CERS3: variants seen among roughly 807,000 people sequenced by gnomAD.
CERS3 encodes the protein LAG1 homolog, ceramide synthase 3.
Under a neutral mutation model 50.3 loss-of-function variants are expected in CERS3, and 33 were observed. That is an observed-to-expected ratio of 0.66 (90% CI 0.50 to 0.88). The LOEUF (loss-of-function observed/expected upper bound fraction) is 0.88, where lower values mean the gene tolerates loss of function less well. Among genes scored for constraint, CERS3 ranks in the 40% least tolerant of loss-of-function variants. CERS3 has a pLI of 0.00. For synonymous variants in CERS3, 176 were observed against 155.2 expected, an observed-to-expected ratio of 1.13 and a Z score of -0.99; for missense variants, 470 against 460.3, an observed-to-expected ratio of 1.02 and a Z score of -0.19.
At chr15:100,409,190 C>T (rs558141938) in intron 11 of CERS3, among the ~76,000 whole-genome samples, 1 of 152,322 alleles carries the variant, frequency 6.6e-6, no homozygotes, top group East Asian at 1.9e-4. Context: ...CTATTCTGAC[C>T]TTGCCTCAGG....
At chr15:100,440,299 G>C (rs1450108190) in intron 11 of CERS3, among the ~76,000 whole-genome samples, 3 of 152,152 alleles carry the variant, frequency 2.0e-5, no homozygotes, top group East Asian at 1.9e-4. Flanking sequence ...TATCCCCTGT[G>C]ACCTGCACAT....
chr15:100,496,318 T>C (rs1210319239), intron 3 of CERS3, among the ~76,000 whole-genome samples: 1 of 152,186 alleles, frequency 6.6e-6, no homozygotes, highest in African/African-American at 2.4e-5. Context: ...AAACAAGTTA[T>C]AGTATATATG....
intron 11 of CERS3, among the ~76,000 whole-genome samples, chr15:100,443,188 A>G (rs980018665): frequency 4.2e-3 from 631 of 149,282 alleles, no homozygotes; most frequent in African/African-American, 0.015. Context: ...ACCCACAAGT[A>G]TAAGATACCT....
chr15:100,463,104 G>A (rs1183037704), intron 10 of CERS3, among the ~76,000 whole-genome samples: 1 of 152,112 alleles, frequency 6.6e-6, no homozygotes, highest in East Asian at 1.9e-4. Flanking sequence ...AAAGTAAATG[G>A]GGCAAAATGC....
At chr15:100,434,274 CGT>C (rs1370978667) in intron 11 of CERS3, among the ~76,000 whole-genome samples, 3 of 152,326 alleles carry the variant, frequency 2.0e-5, no homozygotes, top group African/African-American at 7.2e-5. Context: ...GCGAAGAGTG[CGT>C]GCCCAGGACT....
chr15:100,485,038 C>T (rs968495707), intron 4 of CERS3, among the ~76,000 whole-genome samples: 1 of 152,146 alleles, frequency 6.6e-6, no homozygotes, highest in Non-Finnish European at 1.5e-5. Flanking sequence ...ATCCAATCTC[C>T]TCATTTTTCC....
At chr15:100,486,710 G>A (rs748517461) in intron 4 of CERS3, among the ~76,000 whole-genome samples, 1 of 152,234 alleles carries the variant, frequency 6.6e-6, no homozygotes, top group Non-Finnish European at 1.5e-5. Context: ...GACCGAAGGG[G>A]CTCTGGGCCT....
At position 100,514,789 on chromosome 15, in the gene CERS3, T is replaced by TAA. The variant is rs71151962; in HGVS notation, c.-2+6876_-2+6877dup. On this transcript the variant is annotated intron_variant, in intron 2 of 11. Transcript: ENST00000679737. ...CATATCACATGTATGTGTGTGGGTA[T>TAA]AAAAAAACTAGAAAGAAACATAAAA... Among the ~76,000 whole-genome samples, 43 of 152,154 alleles carry TAA rather than the reference T, an allele frequency of 2.8e-4. No individual in the cohort carries two copies. The East Asian group carries it at 7.9e-3, about 28-fold the overall frequency.
At chr15:100,521,812 A>G (rs1282398507) in intron 1 of CERS3, 56 bp from the exon 2 acceptor site, 1 of 152,210 alleles carries the variant, frequency 6.6e-6, no homozygotes, top group Non-Finnish European at 1.5e-5. Context: ...TGTGCCCATA[A>G]GCGTCCTTCT....
rs1267906519 is a variant in CERS3, at chr15:100,483,781, A to ATTTTTTTTTTTTTTTTTT, written c.407+768_407+769insAAAAAAAAAAAAAAAAAA. On this transcript the variant is annotated intron_variant, in intron 5 of 11. Coordinates refer to ENST00000679737, the MANE Select transcript of CERS3 (RefSeq NM_001378789.1). ...AGGATCAATAATAATAATAATTATT[A>ATTTTTTTTTTTTTTTTTT]TTATTATTTTTTTTTTTGAGACAGA... Among the ~76,000 whole-genome samples, 6 of 77,650 alleles carry ATTTTTTTTTTTTTTTTTT rather than the reference A, an allele frequency of 7.7e-5. 1 individual carries two copies. The highest frequency in any genetic ancestry group is 3.6e-4 in the East Asian group (1 of 2,786). The allele number at this position is 77,650 out of a possible 152,430, so 50.9% of individuals were successfully genotyped here. A position where few individuals can be genotyped will look rare whatever the true frequency, so the allele number is the denominator to read the frequency against.
At chr15:100,470,079 C>T (rs1474976113) in intron 9 of CERS3, among the ~76,000 whole-genome samples, 4 of 151,066 alleles carry the variant, frequency 2.6e-5, no homozygotes, top group Non-Finnish European at 5.9e-5. Context: ...ATAGAAAGAA[C>T]TGCAGAAAGG....
In CERS3 at chr15:100,473,098, T is replaced by C. The variant is rs756184984; in HGVS notation, c.610-46A>G. 1.3e-5 allele frequency: 21 copies of C among 1,570,962 alleles called. No homozygotes were observed. In the East Asian group the frequency reaches 4.7e-4, roughly 35 times the overall value. On this transcript the variant is annotated intron_variant, in intron 8 of 11. Coordinates refer to ENST00000679737, the MANE Select transcript of CERS3 (RefSeq NM_001378789.1). ...GAAGCCATTAAGGAAATGCATTTAT[T>C]TCCCAATCACTGGAAGAGATAATCA...
intron 7 of CERS3, among the ~76,000 whole-genome samples, chr15:100,476,829 T>A (rs925932684): frequency 6.6e-6 from 1 of 152,224 alleles, no homozygotes; most frequent in African/African-American, 2.4e-5. Context: ...TAAGCCCTTG[T>A]GCAGTCTCCT....
chr15:100,483,199 A>C (rs1406070435), intron 5 of CERS3, among the ~76,000 whole-genome samples: 1 of 151,924 alleles, frequency 6.6e-6, no homozygotes, highest in African/African-American at 2.4e-5. Flanking sequence ...TGATGCCATC[A>C]CCTCTAAATT....
At chr15:100,430,078 A>C (rs984604043) in intron 11 of CERS3, among the ~76,000 whole-genome samples, 1 of 151,976 alleles carries the variant, frequency 6.6e-6, no homozygotes, top group Non-Finnish European at 1.5e-5. Flanking sequence ...TTTGGGAGGC[A>C]GAGGTGGGCG....
At chr15:100,434,440 G>A (rs1201725976) in intron 11 of CERS3, among the ~76,000 whole-genome samples, 2 of 152,118 alleles carry the variant, frequency 1.3e-5, no homozygotes, top group Admixed American at 1.3e-4. Flanking sequence ...AAATCACTCA[G>A]GTGCTAAAGC....
At chr15:100,531,512 G>T (rs1313859365), upstream of CERS3, among the ~76,000 whole-genome samples, 1 of 152,126 alleles carries the variant, frequency 6.6e-6, no homozygotes, top group Non-Finnish European at 1.5e-5. Context: ...CTCCTCTGAG[G>T]AAAATAACCC....
rs932309089 is a variant in CERS3 at position 100,438,821 on chromosome 15, A to T, written c.999+17072T>A. On this transcript the variant is annotated intron_variant, in intron 11 of 11. Transcript: ENST00000679737. ...CCGCACGTCTTGACTACTCACCAGC[A>T]CAAGATATCACACAGACATGCTTGA... 3.3e-5 allele frequency among the ~76,000 whole-genome samples: 5 copies of T among 152,262 alleles called. No homozygotes were observed. In the East Asian group the frequency reaches 9.6e-4, roughly 29 times the overall value.
chr15:100,456,195 T>C, intron 10 of CERS3, 149 bp from the exon 11 acceptor site: 1 of 501,322 alleles, frequency 2.0e-6, no homozygotes, highest in Non-Finnish European at 3.3e-6. Flanking sequence ...GATACGATAA[T>C]ATTATCTTAA....
Sources: allele counts gnomAD v4.1 joint callset (sites outside exome capture counted in the v4.1 genomes callset), GRCh38; gene constraint gnomAD v4.1.1; transcripts MANE v1.5; gene names NCBI Gene and HGNC (gene_info 2026-07-23, HGNC 2026-07-21).